SLC9C2: variants seen among roughly 807,000 people sequenced by gnomAD.
SLC9C2 encodes sodium/hydrogen exchanger 11.
Under a neutral mutation model 140.2 loss-of-function variants are expected in SLC9C2, and 75 were observed. The ratio of observed to expected loss-of-function variants is 0.53; its 90% confidence interval spans 0.44 to 0.65. The LOEUF is 0.65. Ranked by LOEUF, SLC9C2 falls within the 30% of genes least tolerant of loss-of-function variation. The pLI, the probability that SLC9C2 is intolerant of heterozygous loss-of-function variation, is 0.00. For synonymous variants in SLC9C2, 375 were observed against 420.9 expected (o/e 0.89, Z 1.34); for missense variants, 1,074 against 1,331.8 (o/e 0.81, Z 3.01).
chr1:173,567,875 A>G (rs187024901), intron 9 of SLC9C2, among the ~76,000 whole-genome samples: 162 of 152,274 alleles, frequency 1.1e-3, no homozygotes, highest in African/African-American at 3.7e-3. Context: ...CTATCTTATA[A>G]CCCATCATTT....
At chr1:173,565,342 T>C (rs1421931191) in intron 9 of SLC9C2, among the ~76,000 whole-genome samples, 3 of 152,166 alleles carry the variant, frequency 2.0e-5, no homozygotes, top group African/African-American at 4.8e-5. Flanking sequence ...TAGGTTGAGG[T>C]CTTAGATTTA....
intron 4 of SLC9C2, among the ~76,000 whole-genome samples, chr1:173,597,510 C>T (rs985481521): frequency 2.7e-5 from 4 of 150,018 alleles, no homozygotes; most frequent in African/African-American, 5.1e-5. Context: ...AAGAAAAAAA[C>T]ATAGAAGGCA....
chr1:173,600,085 C>A, intron 3 of SLC9C2, 32 bp downstream of exon 3: 2 of 1,454,020 alleles, frequency 1.4e-6, no homozygotes, highest in East Asian at 2.4e-5. Context: ...GCATTTTTTC[C>A]TTTATTCTCT....
chr1:173,549,200 A>G (rs568837149), intron 11 of SLC9C2, among the ~76,000 whole-genome samples: 41 of 152,350 alleles, frequency 2.7e-4, no homozygotes, highest in African/African-American at 9.9e-4. Context: ...TCTCCTTAAA[A>G]TTGCATATGA....
In SLC9C2 at chr1:173,587,791, T is replaced by C. The variant is rs1173142210; in HGVS notation, c.397A>G (p.Ile133Val). The C allele has an allele frequency of 1.9e-6, 3 of 1,613,174 alleles. No individual in the cohort carries two copies. The highest frequency in any genetic ancestry group is 2.2e-5 in the East Asian group (1 of 44,800). Residue 133 changes from isoleucine (I) to valine (V), a missense_variant, in exon 5 of 28, where the codon ATC (isoleucine) becomes GTC (valine). By Grantham distance (29) the Ile-to-Val change is conservative. Coordinates refer to ENST00000367714, the MANE Select transcript of SLC9C2 (RefSeq NM_178527.4). ...TTTATAACGACATATCCAATTATGA[T>C]GCTTGCTGTAGAAAAGCTAATTAAT... The part of the protein sequence containing the change: ...TGLISFSTAS[I>V]IIGYVVIKFN...
chr1:173,557,427 C>T lies in SLC9C2; in HGVS notation c.1128G>A (p.Thr376=), dbSNP rs142088015. 5.1e-5 allele frequency: 83 copies of T among 1,613,702 alleles called. No homozygotes were observed. The highest frequency in any genetic ancestry group is 6.6e-5 in the Non-Finnish European group (78 of 1,179,862). The part of the protein sequence containing the change: ...EYNWRWGVVI[T]WSGIKGVFNL... ...TAAAAACTCCTTTAATTCCAGACCA[C>T]GTGATTACAACTCCCCATCGCCAAT... The change falls in exon 10 of 28, where the codon ACG becomes ACA. Residue 376 remains threonine, a synonymous_variant. Coordinates refer to ENST00000367714, the MANE Select transcript of SLC9C2 (RefSeq NM_178527.4).
At chr1:173,557,252 G>T in intron 10 of SLC9C2, 88 bp downstream of exon 10, 1 of 1,274,378 alleles carries the variant, frequency 7.8e-7, no homozygotes, top group Non-Finnish European at 1.1e-6. Context: ...TTCAAAGCTG[G>T]TTAACTTTAT....
intron 13 of SLC9C2, among the ~76,000 whole-genome samples, chr1:173,540,106 C>T (rs1662271578): frequency 6.6e-6 from 1 of 152,190 alleles, no homozygotes; most frequent in Admixed American, 6.5e-5. Flanking sequence ...CCCTCTCACC[C>T]TGTTGGAACC....
At chr1:173,505,408 G>T in intron 25 of SLC9C2, 77 bp from the exon 26 acceptor site, 1 of 1,146,060 alleles carries the variant, frequency 8.7e-7, no homozygotes, top group South Asian at 1.3e-5. Context: ...TCTTTCCAAA[G>T]AGTATAAAAA....
At chr1:173,524,135 A>G in intron 20 of SLC9C2, 41 bp from the exon 21 acceptor site, 2 of 1,547,302 alleles carry the variant, frequency 1.3e-6, no homozygotes, top group Non-Finnish European at 1.7e-6. Context: ...CAGATCCTGT[A>G]ACAGAAAATG....
intron 23 of SLC9C2, among the ~76,000 whole-genome samples, chr1:173,512,142 T>G (rs989397032): frequency 6.6e-6 from 1 of 152,232 alleles, no homozygotes; most frequent in African/African-American, 2.4e-5. Context: ...TGGGCTCTTT[T>G]TTGGTTCCAT....
intron 9 of SLC9C2, 116 bp downstream of exon 9, chr1:173,573,066 C>A (rs569130091): frequency 1.5e-6 from 1 of 664,396 alleles, no homozygotes; most frequent in Non-Finnish European, 2.4e-6. Context: ...GATAACAATG[C>A]CGGTTTCCTG....
Position 173,542,860 on chromosome 1 carries a change from C to T in SLC9C2, c.1557+4829G>A, listed in dbSNP as rs185546066. On this transcript the variant is annotated intron_variant, in intron 13 of 27. Coordinates refer to ENST00000367714, the MANE Select transcript of SLC9C2 (RefSeq NM_178527.4). ...AACTAGGTATTGATGGGATGTATCT[C>T]AAAATAATAAAAGCTATTCATGACA... Among the ~76,000 whole-genome samples, 312 of 152,234 alleles carry T rather than the reference C, an allele frequency of 2.0e-3. 1 individual carries two copies. Among genetic ancestry groups the T allele is most frequent in the Middle Eastern group, 3.4e-3 (1 of 294 alleles).
intron 23 of SLC9C2, among the ~76,000 whole-genome samples, chr1:173,515,348 GT>G (rs1281456066): frequency 6.6e-6 from 1 of 152,194 alleles, no homozygotes; most frequent in East Asian, 1.9e-4. Context: ...CAGAGGTTTT[GT>G]TTGTTCCTTT....
At chr1:173,561,759 T>C (rs976069121) in intron 9 of SLC9C2, among the ~76,000 whole-genome samples, 1 of 151,822 alleles carries the variant, frequency 6.6e-6, no homozygotes, top group Non-Finnish European at 1.5e-5. Context: ...GTCCCTTCCA[T>C]TGCCACCACC....
At chr1:173,509,821 AT>A (rs1659918975) in intron 23 of SLC9C2, 122 bp from the exon 24 acceptor site, 1 of 975,180 alleles carries the variant, frequency 1.0e-6, no homozygotes, top group Admixed American at 3.3e-5. Flanking sequence ...CATAATTATG[AT>A]ACTCTTGTCA....
At chr1:173,546,159 G>A (rs61828884) in intron 13 of SLC9C2, among the ~76,000 whole-genome samples, 5,262 of 152,284 alleles carry the variant, frequency 0.035, 116 homozygotes, top group Admixed American at 0.052. Context: ...TACTGTGGAC[G>A]AGAGCCTTTC....
At chr1:173,504,452 C>G (rs1272301793) in intron 26 of SLC9C2, among the ~76,000 whole-genome samples, 2 of 152,128 alleles carry the variant, frequency 1.3e-5, no homozygotes, top group Admixed American at 1.3e-4. Flanking sequence ...ACTCTTCGCA[C>G]ACAATTTGAA....
intron 13 of SLC9C2, among the ~76,000 whole-genome samples, chr1:173,539,648 T>C (rs1662229815): frequency 6.6e-6 from 1 of 152,138 alleles, no homozygotes; most frequent in African/African-American, 2.4e-5. Flanking sequence ...ATCATGAGTG[T>C]AGCTGGGACT....
Sources: gnomAD v4.1 joint callset for allele counts (sites outside exome capture counted in the v4.1 genomes callset) on GRCh38, gnomAD v4.1.1 for gene constraint, MANE v1.5 for transcripts, NCBI Gene and HGNC (gene_info 2026-07-23, HGNC 2026-07-21) for gene names.